PRKCE: variants seen among roughly 807,000 people sequenced by gnomAD.
PRKCE encodes the protein protein kinase C epsilon type.
A neutral mutation model predicts 85.4 loss-of-function variants in PRKCE; 16 were observed. The ratio of observed to expected loss-of-function variants is 0.19; its 90% CI spans 0.13 to 0.28. The LOEUF (loss-of-function observed/expected upper bound fraction) is 0.28. PRKCE is among the 10% of genes least tolerant of loss of function. PRKCE has a pLI of 1.00. For synonymous variants in PRKCE, 388 were observed against 371.5 expected (o/e 1.04, Z -0.51); for missense variants, 573 against 975.2 (o/e 0.59, Z 5.49).
chr2:46,036,630 A>G (rs1472306681), intron 10 of PRKCE, among the ~76,000 whole-genome samples: 1 of 152,126 alleles, frequency 6.6e-6, no homozygotes, highest in Non-Finnish European at 1.5e-5. Flanking sequence ...GGACATGGCA[A>G]GCACACACTA....
chr2:45,906,216 G>A (rs1696964115), intron 2 of PRKCE, among the ~76,000 whole-genome samples: 1 of 152,222 alleles, frequency 6.6e-6, no homozygotes, highest in Non-Finnish European at 1.5e-5. Context: ...GCATCTTCTG[G>A]TCATTTGGAT....
At chr2:46,148,470 A>G (rs1384232702) in intron 12 of PRKCE, among the ~76,000 whole-genome samples, 2 of 152,130 alleles carry the variant, frequency 1.3e-5, no homozygotes, top group East Asian at 3.9e-4. Context: ...CAGCACACAC[A>G]AGCCACCTTC....
intron 6 of PRKCE, among the ~76,000 whole-genome samples, chr2:45,999,195 A>G (rs1704465168): frequency 6.6e-6 from 1 of 152,170 alleles, no homozygotes; most frequent in South Asian, 2.1e-4. Context: ...TTTTTCATGT[A>G]GATCCAAGTT....
chr2:45,782,215 C>G (rs1409479925), intron 1 of PRKCE, among the ~76,000 whole-genome samples: 1 of 152,150 alleles, frequency 6.6e-6, no homozygotes, highest in Non-Finnish European at 1.5e-5. Context: ...CAAGCCTCCT[C>G]TCGTCCAGGC....
At chr2:46,033,551 G>GT (rs1255532043) in intron 10 of PRKCE, among the ~76,000 whole-genome samples, 7 of 152,306 alleles carry the variant, frequency 4.6e-5, no homozygotes, top group African/African-American at 1.7e-4. Flanking sequence ...ATGCAAGGTG[G>GT]TTATTGGCCA....
intron 14 of PRKCE, among the ~76,000 whole-genome samples, chr2:46,177,605 C>G (rs1466867939): frequency 6.6e-6 from 1 of 152,154 alleles, no homozygotes; most frequent in Non-Finnish European, 1.5e-5. Flanking sequence ...ATAAGGACAC[C>G]AGTCATATTG....
At chr2:45,812,231 C>T (rs1688704669) in intron 1 of PRKCE, among the ~76,000 whole-genome samples, 1 of 152,194 alleles carries the variant, frequency 6.6e-6, no homozygotes, top group Admixed American at 6.5e-5. Flanking sequence ...GGTAATTTGT[C>T]AGCACTTGTG....
intron 1 of PRKCE, among the ~76,000 whole-genome samples, chr2:45,835,619 G>A (rs979221516): frequency 1.4e-5 from 2 of 146,016 alleles, no homozygotes; most frequent in African/African-American, 5.1e-5. Context: ...TTTTTTAAGA[G>A]ACAGGATCTC....
At chr2:46,118,363 A>G (rs1299037978) in intron 11 of PRKCE, among the ~76,000 whole-genome samples, 1 of 152,256 alleles carries the variant, frequency 6.6e-6, no homozygotes, top group Non-Finnish European at 1.5e-5. Context: ...TCACTGTTCT[A>G]CAATGATCTC....
At chr2:45,921,780 G>T (rs1332802530) in intron 2 of PRKCE, among the ~76,000 whole-genome samples, 4 of 152,172 alleles carry the variant, frequency 2.6e-5, no homozygotes. Context: ...GTGTCATTTT[G>T]CTATTTCTTC....
In PRKCE at chr2:45,907,465, G is replaced by C. The variant is rs1329614702; in HGVS notation, c.412+64402G>C. 1.3e-5 allele frequency among the ~76,000 whole-genome samples: 2 copies of C among 152,184 alleles called. No homozygotes were observed. Among genetic ancestry groups the C allele is most frequent in the African/African-American group, 4.8e-5 (2 of 41,446 alleles). ...TGTGAACAAAACCAAGACGAGTTTT[G>C]TCCCTGCCACAGAGGTAACAATGGA... On this transcript the variant is annotated intron_variant, in intron 2 of 14. Transcript: ENST00000306156. The surrounding 1 kb of genome is among the most constrained non-coding windows in gnomAD (Gnocchi z 4.5).
In PRKCE at chr2:46,001,269, A is replaced by ATT. The variant is rs1255649361; in HGVS notation, c.824-134_824-133insTT. ...ATGGAAGACATATATATATATATAT[A>ATT]TATTTCTGTATTTTCCAAATTATAT... On this transcript the variant is annotated intron_variant, in intron 6 of 14. Transcript: ENST00000306156. The surrounding 1 kb of genome is among the most constrained non-coding windows in gnomAD (Gnocchi z 4.4). 1.5e-5 allele frequency: 8 copies of ATT among 547,856 alleles called. No homozygotes were observed. Among genetic ancestry groups the ATT allele is most frequent in the Non-Finnish European group, 2.0e-5 (8 of 392,656 alleles). The allele number at this position is 547,856 out of a possible 1,614,324, so 33.9% of individuals were successfully genotyped here. A position where few individuals can be genotyped will look rare whatever the true frequency, so the allele number is the denominator to read the frequency against.
chr2:45,868,214 C>CTTTT (rs777188116), intron 2 of PRKCE, among the ~76,000 whole-genome samples: 30 of 79,882 alleles, frequency 3.8e-4, no homozygotes, highest in South Asian at 5.1e-4. Flanking sequence ...TGTAACGGAG[C>CTTTT]TTTTTTTTTT....
In PRKCE at chr2:45,905,145, C is replaced by T. The variant is rs1463141968; in HGVS notation, c.412+62082C>T. ...AATTCAGAGTAATGCTGGGGCAGGC[C>T]GTAGTCCAGGCCATCTCACACTGGC... is the stretch of plus-strand genomic sequence containing the variant. On this transcript the variant is annotated intron_variant, in intron 2 of 14. Coordinates refer to ENST00000306156, the MANE Select transcript of PRKCE (RefSeq NM_005400.3). This position sits in a 1 kb window ranked among gnomAD's most constrained non-coding sequence, Gnocchi z 4.4. Among the ~76,000 whole-genome samples, 1 of 152,172 alleles carries T rather than the reference C, an allele frequency of 6.6e-6. No individual in the cohort carries two copies. The highest frequency in any genetic ancestry group is 1.5e-5 in the Non-Finnish European group (1 of 68,028).
intron 10 of PRKCE, among the ~76,000 whole-genome samples, chr2:46,070,376 G>C (rs1270451614): frequency 6.6e-6 from 1 of 152,238 alleles, no homozygotes; most frequent in Non-Finnish European, 1.5e-5. Flanking sequence ...GGGCGCGGTG[G>C]CGCATGCCTG....
At chr2:45,985,607 G>A (rs1172134074) in intron 6 of PRKCE, among the ~76,000 whole-genome samples, 2 of 152,150 alleles carry the variant, frequency 1.3e-5, no homozygotes, top group Non-Finnish European at 2.9e-5. Context: ...GGTCATTGAA[G>A]GGATCCCAAT....
At chr2:45,809,772 C>G (rs370842582) in intron 1 of PRKCE, among the ~76,000 whole-genome samples, 1 of 150,924 alleles carries the variant, frequency 6.6e-6, no homozygotes, top group Non-Finnish European at 1.5e-5. Flanking sequence ...CCCAGCTACT[C>G]GAGAGCCTGA....
chr2:46,091,011 G>A (rs1670112662), intron 11 of PRKCE, among the ~76,000 whole-genome samples: 1 of 152,166 alleles, frequency 6.6e-6, no homozygotes, highest in African/African-American at 2.4e-5. Flanking sequence ...AGTAAGAGAA[G>A]TCATTTCTCT....
intron 1 of PRKCE, among the ~76,000 whole-genome samples, chr2:45,761,326 C>CAAAAAAAA (rs370710295): frequency 6.1e-5 from 5 of 82,246 alleles, no homozygotes; most frequent in Admixed American, 1.5e-4. Context: ...GACTCCATCT[C>CAAAAAAAA]AAAAAAAAAA....
Sources: gnomAD v4.1 joint callset for allele counts (sites outside exome capture counted in the v4.1 genomes callset) on GRCh38, gnomAD v4.1.1 for gene constraint, Gnocchi (gnomAD v3.1) non-coding constraint, MANE v1.5 for transcripts, NCBI Gene and HGNC (gene_info 2026-07-23, HGNC 2026-07-21) for gene names.